Variants in ASIC2 observed in about 807,000 individuals in gnomAD.
ASIC2 encodes acid-sensing ion channel 2.
Under a neutral mutation model 57.3 loss-of-function variants are expected in ASIC2, and 25 were observed. The observed-to-expected ratio is 0.44, with a 90% confidence interval of 0.32 to 0.61. ASIC2 has a LOEUF of 0.61. Among genes scored for constraint, ASIC2 ranks in the 20% least tolerant of loss-of-function variants. ASIC2 has a pLI of 0.06. For synonymous variants in ASIC2, 319 were observed against 307.5 expected (o/e 1.04, Z -0.39); for missense variants, 641 against 738.1 (o/e 0.87, Z 1.52).
At chr17:33,888,425 G>A (rs1567747000) in intron 1 of ASIC2, among the ~76,000 whole-genome samples, 1 of 152,102 alleles carries the variant, frequency 6.6e-6, no homozygotes, top group Non-Finnish European at 1.5e-5. Context: ...CTGCTTAAGT[G>A]GTGGAAGCTG....
chr17:33,610,221 G>A (rs999237910), intron 1 of ASIC2, among the ~76,000 whole-genome samples: 2 of 152,118 alleles, frequency 1.3e-5, no homozygotes, highest in Non-Finnish European at 1.5e-5. Context: ...GCAGTGGCAC[G>A]ATCTCGGCTT....
At chr17:33,929,445 C>T (rs914975414) in intron 1 of ASIC2, among the ~76,000 whole-genome samples, 21 of 152,332 alleles carry the variant, frequency 1.4e-4, no homozygotes, top group African/African-American at 3.8e-4. Context: ...GTTAATTCAA[C>T]GTTCACCAAG....
intron 2 of ASIC2, chr17:33,099,967 T>C (rs540454314): frequency 2.6e-5 from 4 of 152,356 alleles, no homozygotes; most frequent in Admixed American, 6.5e-5. Flanking sequence ...AGAGCTTTCA[T>C]GTGGGATACT....
rs147988462 is a variant in ASIC2 at position 33,547,604 on chromosome 17, G to A, written c.556-435537C>T. Among the ~76,000 whole-genome samples the A allele has an allele frequency of 5.5e-3, 838 of 152,094 alleles. 6 individuals carry two copies. The highest frequency in any genetic ancestry group is 0.019 in the African/African-American group (794 of 41,486). ...TCTGCCATTGGACCTATGGATAGTC[G>A]CCCCATCCTGCAGAAGCCTAGAGTG... On this transcript the variant is annotated intron_variant, in intron 1 of 9. Coordinates refer to the ASIC2 transcript ENST00000359872.
At chr17:34,111,284 T>C (rs1911264582) in intron 1 of ASIC2, among the ~76,000 whole-genome samples, 1 of 148,104 alleles carries the variant, frequency 6.8e-6, no homozygotes, top group Non-Finnish European at 1.5e-5. Flanking sequence ...CAACATATTA[T>C]ATAATTATAT....
intron 1 of ASIC2, among the ~76,000 whole-genome samples, chr17:33,503,287 C>T (rs932136281): frequency 4.4e-4 from 67 of 152,236 alleles, no homozygotes; most frequent in South Asian, 3.9e-3. Context: ...CAAAATGCTA[C>T]TTTCTCTATT....
intron 3 of ASIC2, among the ~76,000 whole-genome samples, chr17:33,039,505 C>G (rs1327377555): frequency 6.6e-6 from 1 of 152,206 alleles, no homozygotes; most frequent in Non-Finnish European, 1.5e-5. Flanking sequence ...AATGGTTGAG[C>G]CTCTCTGACC....
intron 1 of ASIC2, chr17:34,069,585 G>A (rs1909321789): frequency 6.6e-6 from 1 of 152,216 alleles, no homozygotes; most frequent in South Asian, 2.1e-4. Flanking sequence ...CCTTTCTTGA[G>A]TGAAGACAAG....
chr17:34,089,316 T>G (rs922477579), intron 1 of ASIC2, among the ~76,000 whole-genome samples: 1 of 152,186 alleles, frequency 6.6e-6, no homozygotes, highest in East Asian at 1.9e-4. Context: ...CTATGACACA[T>G]ATGCACATGC....
At chr17:33,315,188 G>A (rs1419758900) in intron 1 of ASIC2, among the ~76,000 whole-genome samples, 1 of 152,190 alleles carries the variant, frequency 6.6e-6, no homozygotes, top group Non-Finnish European at 1.5e-5. Context: ...TCACAACAGT[G>A]TCTGGTATCT....
chr17:33,815,960 G>A (rs973446952), intron 1 of ASIC2, among the ~76,000 whole-genome samples: 1 of 152,126 alleles, frequency 6.6e-6, no homozygotes, highest in Non-Finnish European at 1.5e-5. Flanking sequence ...ATAGACATGT[G>A]GGCTATTATA....
chr17:34,011,891 G>A (rs1906780717), intron 1 of ASIC2, among the ~76,000 whole-genome samples: 1 of 152,124 alleles, frequency 6.6e-6, no homozygotes, highest in African/African-American at 2.4e-5. Flanking sequence ...GTGTCCCAAG[G>A]TCCTGGCCTC....
intron 1 of ASIC2, among the ~76,000 whole-genome samples, chr17:33,358,957 A>G (rs1241423425): frequency 6.6e-6 from 1 of 152,242 alleles, no homozygotes; most frequent in Admixed American, 6.5e-5. Flanking sequence ...AAGATAAATC[A>G]TGTGGAGAAC....
intron 1 of ASIC2, among the ~76,000 whole-genome samples, chr17:33,638,682 A>G (rs992147830): frequency 6.6e-6 from 1 of 152,184 alleles, no homozygotes; most frequent in Non-Finnish European, 1.5e-5. Context: ...AGAGATGGGT[A>G]TAGCAGCTCC....
At chr17:33,059,389 A>G (rs1307106137) in intron 3 of ASIC2, among the ~76,000 whole-genome samples, 1 of 151,906 alleles carries the variant, frequency 6.6e-6, no homozygotes, top group Non-Finnish European at 1.5e-5. Flanking sequence ...ATTCCCACCT[A>G]TGAGTGAGAA....
chr17:33,226,029 C>G (rs897239017), intron 1 of ASIC2, among the ~76,000 whole-genome samples: 3 of 152,164 alleles, frequency 2.0e-5, no homozygotes, highest in African/African-American at 7.2e-5. Flanking sequence ...AAAGATGTCT[C>G]CCATCTTTTG....
intron 1 of ASIC2, among the ~76,000 whole-genome samples, chr17:33,754,957 CAA>C (rs58392305): frequency 6.2e-4 from 36 of 57,938 alleles, no homozygotes; most frequent in African/African-American, 1.7e-3. Context: ...GACTCCATCT[CAA>C]AAAAAAAAAA....
At chr17:33,713,139 T>G (rs1291497622) in intron 1 of ASIC2, among the ~76,000 whole-genome samples, 1 of 152,156 alleles carries the variant, frequency 6.6e-6, no homozygotes, top group Non-Finnish European at 1.5e-5. Flanking sequence ...TAGGAACAGG[T>G]CACTAGGACC....
At chr17:33,360,879 C>T (rs1908576320) in intron 1 of ASIC2, among the ~76,000 whole-genome samples, 1 of 152,188 alleles carries the variant, frequency 6.6e-6, no homozygotes, top group Non-Finnish European at 1.5e-5. Flanking sequence ...AATTCCCTTG[C>T]TTTTAACCAG....
Sources: gnomAD v4.1 joint callset for allele counts (sites outside exome capture counted in the v4.1 genomes callset) on GRCh38, gnomAD v4.1.1 for gene constraint, MANE v1.5 for transcripts, NCBI Gene and HGNC (gene_info 2026-07-23, HGNC 2026-07-21) for gene names.